The following GSN variants were observed in gnomAD, a reference collection of about 807,000 sequenced individuals.
The protein encoded by GSN is actin-depolymerizing factor.
Under a neutral mutation model 85.7 loss-of-function variants are expected in GSN, and 56 were observed. The observed-to-expected ratio is 0.65, with a 90% CI of 0.53 to 0.82. GSN has a LOEUF of 0.82. GSN is among the 40% of genes least tolerant of loss of function. The pLI is 0.00. For synonymous variants in GSN, 373 were observed against 399.1 expected (o/e 0.93, Z 0.78); for missense variants, 857 against 979.8 (o/e 0.87, Z 1.67).
intron 4 of GSN, chr9:121,309,086 G>T: frequency 6.6e-6 from 1 of 152,318 alleles, no homozygotes. Flanking sequence ...ATTGGGAGGA[G>T]GAAACAAGGT....
rs2055078154 is a variant in GSN at position 121,261,225 on chromosome 9, C to T, written c.-340-3929C>T. ...GGCTGGGCTTTCAGAAACAGCTGGG[C>T]TGATTCATCTAGAACAAAAGCCAGC... On this transcript the variant is annotated intron_variant, in intron 6 of 24. Coordinates refer to the GSN transcript ENST00000373823. This position sits in a 1 kb window ranked among gnomAD's most constrained non-coding sequence, Gnocchi z 4.1. 6.6e-6 allele frequency among the ~76,000 whole-genome samples: 1 copy of T among 152,264 alleles called. No homozygotes were observed. The highest frequency in any genetic ancestry group is 2.4e-5 in the African/African-American group (1 of 41,472).
intron 2 of GSN, chr9:121,282,707 A>C (rs758631127): frequency 2.6e-5 from 11 of 416,478 alleles, no homozygotes; most frequent in Non-Finnish European, 4.3e-5. Flanking sequence ...TAATAGGAGG[A>C]CTTGAGGGCC....
rs142997241 is a variant in GSN, at chr9:121,261,105, G to T, written c.-340-4049G>T. ...GATAATATAACTCTCTGTAAATGGT[G>T]CAGTCCACTGTACAAAGTACTGCCC... On this transcript the variant is annotated intron_variant, in intron 6 of 24. Transcript: ENST00000373823. This position sits in a 1 kb window ranked among gnomAD's most constrained non-coding sequence, Gnocchi z 4.1. 6.6e-6 allele frequency among the ~76,000 whole-genome samples: 1 copy of T among 152,342 alleles called. No individual in the cohort carries two copies. Among genetic ancestry groups the T allele is most frequent in the East Asian group, 1.9e-4 (1 of 5,182 alleles).
intron 4 of GSN, among the ~76,000 whole-genome samples, chr9:121,306,692 A>G (rs2133327234): frequency 6.6e-6 from 1 of 152,376 alleles, no homozygotes; most frequent in Non-Finnish European, 1.5e-5. Flanking sequence ...ATCAGTGCTA[A>G]AGATGATAGT....
At chr9:121,221,090 C>T (rs569479378) in intron 4 of GSN, among the ~76,000 whole-genome samples, 3 of 152,284 alleles carry the variant, frequency 2.0e-5, no homozygotes, top group East Asian at 3.9e-4. Context: ...GCCGAGGGGC[C>T]GCCTCTCTCA....
upstream of GSN, among the ~76,000 whole-genome samples, chr9:121,267,177 T>C (rs939535130): frequency 2.0e-5 from 3 of 152,160 alleles, no homozygotes; most frequent in Non-Finnish European, 4.4e-5. Context: ...ACTCCAAAAG[T>C]CCTGGGAACT....
intron 11 of GSN, among the ~76,000 whole-genome samples, chr9:121,322,129 C>T (rs1045560960): frequency 1.3e-5 from 2 of 152,048 alleles, no homozygotes; most frequent in African/African-American, 4.8e-5. Context: ...AATCTTATTC[C>T]CACCCCTGTC....
In GSN at chr9:121,328,881, C is replaced by T. The variant is rs750829888; in HGVS notation, c.1763-10C>T. On this transcript the variant is annotated splice_polypyrimidine_tract_variant and intron_variant, in intron 14 of 17. Transcript: ENST00000432226. ...CGTCCCTTGGCAACTGGCGTGGCCTCCCCTCACAGATGGCTTCTGGGAGGC... is the reference window on the plus strand; with the variant it reads ...CGTCCCTTGGCAACTGGCGTGGCCTTCCCTCACAGATGGCTTCTGGGAGGC... The T allele has an allele frequency of 7.5e-6, 12 of 1,610,110 alleles. No homozygotes were observed. Among genetic ancestry groups the T allele is most frequent in the African/African-American group, 1.3e-5 (1 of 75,028 alleles).
At chr9:121,321,442 G>A in intron 11 of GSN, 41 bp downstream of exon 11, 1 of 1,604,574 alleles carries the variant, frequency 6.2e-7, no homozygotes, top group Non-Finnish European at 8.5e-7. Context: ...TGGGGGTACT[G>A]GCTGGGCCCT....
At chr9:121,218,928 G>T (rs1009649317) in intron 4 of GSN, among the ~76,000 whole-genome samples, 1 of 152,162 alleles carries the variant, frequency 6.6e-6, no homozygotes, top group African/African-American at 2.4e-5. Context: ...CATTTTTCTT[G>T]TATGTAAAAT....
chr9:121,314,033 A>G lies in GSN; in HGVS notation c.753+10A>G, dbSNP rs2061454144. ...GGCCAAGCTCTACAAGGTGAGCACCAGATGCACTGTCTGCCTGGGCATGGG... is the reference window on the plus strand; with the variant it reads ...GGCCAAGCTCTACAAGGTGAGCACCGGATGCACTGTCTGCCTGGGCATGGG... On this transcript the variant is annotated intron_variant, in intron 7 of 17. Transcript: ENST00000432226. The G allele has an allele frequency of 1.2e-6, 2 of 1,601,616 alleles. No individual in the cohort carries two copies. The highest frequency in any genetic ancestry group is 1.7e-5 in the Admixed American group (1 of 60,000).
chr9:121,278,400 C>T (rs55932622), intron 1 of GSN, among the ~76,000 whole-genome samples: 33,672 of 152,066 alleles, frequency 0.22, 4,273 homozygotes, highest in African/African-American at 0.35. Flanking sequence ...GAAGGCCCTC[C>T]CAATGAACTG....
chr9:121,249,726 A>G (rs1731311797), intron 6 of GSN, among the ~76,000 whole-genome samples: 1 of 152,176 alleles, frequency 6.6e-6, no homozygotes, highest in African/African-American at 2.4e-5. Flanking sequence ...AGAAATAGCC[A>G]CATGTATACC....
rs577309641 is a variant in GSN at position 121,236,448 on chromosome 9, C to T, written c.-389+5145C>T. Among the ~76,000 whole-genome samples the T allele has an allele frequency of 2.6e-5, 4 of 152,134 alleles. No individual in the cohort carries two copies. The East Asian group carries it at 5.8e-4, about 22-fold the overall frequency. Reference sequence around the variant, plus strand: ...TTGGCTGGTCTCGAACTCCTGACCTCGTGATCTGCCCGCCTCAGCCTCCCA... The same window carrying T: ...TTGGCTGGTCTCGAACTCCTGACCTTGTGATCTGCCCGCCTCAGCCTCCCA... On this transcript the variant is annotated intron_variant, in intron 5 of 24. Transcript: ENST00000373823.
At chr9:121,269,889 C>T (rs529593647) in intron 1 of GSN, among the ~76,000 whole-genome samples, 1 of 152,330 alleles carries the variant, frequency 6.6e-6, no homozygotes, top group South Asian at 2.1e-4. Context: ...CTCCTTTCAG[C>T]ACTTCTCTGG....
At chr9:121,228,763 A>C (rs1449335738) in intron 4 of GSN, among the ~76,000 whole-genome samples, 1 of 152,044 alleles carries the variant, frequency 6.6e-6, no homozygotes, top group Non-Finnish European at 1.5e-5. Context: ...ATAAACAGAC[A>C]AGTTGAAAGA....
chr9:121,299,304 G>T lies in GSN; in HGVS notation c.-9-2659G>T. 1 of 985,302 alleles carries T rather than the reference G, an allele frequency of 1.0e-6. No homozygotes were observed. The highest frequency in any genetic ancestry group is 1.2e-6 in the Non-Finnish European group (1 of 829,820). 61.0% of individuals were successfully genotyped at this position (985,302 alleles called of 1,614,324 possible). On this transcript the variant is annotated intron_variant, in intron 2 of 17. Coordinates refer to ENST00000432226, the MANE Select transcript of GSN (RefSeq NM_198252.3). This position sits in a 1 kb window ranked among gnomAD's most constrained non-coding sequence, Gnocchi z 4.2. ...GGTCCCCTGCCCTGCTGCGGCGCAT[G>T]CTGCCTGGTGGGGGTTCTGCCCAGG...
chr9:121,231,218 T>G (rs1020336754), exon 5 of GSN: 2 of 152,200 alleles, frequency 1.3e-5, no homozygotes, highest in East Asian at 3.8e-4. Context: ...CGCTCCACAA[T>G]GCTGCAGAGC....
rs2063184463 is a variant in GSN, at chr9:121,326,502, T to G, written c.1417-10T>G. ...AAGGTCCCTGACTTGCTCTCCTGTC[T>G]CCCTGCCAGAGCCGTGTGGTCCAAG... On this transcript the variant is annotated splice_polypyrimidine_tract_variant and intron_variant, in intron 12 of 17. Transcript: ENST00000432226. 1.2e-6 allele frequency: 2 copies of G among 1,613,166 alleles called. No individual in the cohort carries two copies. The highest frequency in any genetic ancestry group is 1.7e-6 in the Non-Finnish European group (2 of 1,179,690).
Sources: allele counts gnomAD v4.1 joint callset (sites outside exome capture counted in the v4.1 genomes callset), GRCh38; gene constraint gnomAD v4.1.1; non-coding constraint Gnocchi (gnomAD v3.1); transcripts MANE v1.5; gene names NCBI Gene and HGNC (gene_info 2026-07-23, HGNC 2026-07-21).